Variants in SIRT4 observed in about 807,000 individuals in gnomAD.
The protein encoded by SIRT4 is sirtuin 4.
In SIRT4, 23 loss-of-function variants were observed where a neutral mutation model predicts 26.1. That is an observed-to-expected ratio of 0.88 (90% CI 0.63 to 1.25). The LOEUF (loss-of-function observed/expected upper bound fraction) is 1.25, where lower values mean the gene tolerates loss of function less well. Ranked by LOEUF, SIRT4 falls within the 50% of genes most tolerant of loss-of-function variation. SIRT4 has a pLI of 0.00. For synonymous variants in SIRT4, 155 were observed against 158.4 expected (o/e 0.98, Z 0.16); for missense variants, 361 against 405.4 (o/e 0.89, Z 0.94).
At chr12:120,293,314 A>G in the SIRT4 span, 1 of 152,218 alleles carries the variant, frequency 6.6e-6, no homozygotes, top group Non-Finnish European at 1.5e-5. Flanking sequence ...GGGCCTATGG[A>G]AAAATCTTCA....
chr12:120,310,657 G>C (rs1486461921), intron 2 of SIRT4, among the ~76,000 whole-genome samples: 1 of 151,962 alleles, frequency 6.6e-6, no homozygotes, highest in East Asian at 1.9e-4. Context: ...GATTGCTTGA[G>C]CCTAGGAGTT....
chr12:120,293,194 T>TA, the SIRT4 span: 3 of 152,196 alleles, frequency 2.0e-5, no homozygotes, highest in Non-Finnish European at 2.9e-5. Flanking sequence ...TAATCGCGCC[T>TA]CGGATAGACC....
upstream of SIRT4, among the ~76,000 whole-genome samples, chr12:120,300,679 C>T (rs943040622): frequency 6.6e-5 from 10 of 152,120 alleles, no homozygotes; most frequent in African/African-American, 2.2e-4. Context: ...AACTTTTGGG[C>T]TCAAGTGATC....
chr12:120,299,344 G>A (rs988268266), upstream of SIRT4, among the ~76,000 whole-genome samples: 7 of 151,070 alleles, frequency 4.6e-5, no homozygotes, highest in African/African-American at 1.5e-4. Context: ...CTGAGGTCAC[G>A]AGTTCAAAAC....
chr12:120,292,281 T>A, the SIRT4 span, among the ~76,000 whole-genome samples: 1 of 152,136 alleles, frequency 6.6e-6, no homozygotes, highest in South Asian at 2.1e-4. Context: ...TTGGGAATAA[T>A]TTTAGGACGT....
In SIRT4 at chr12:120,312,908, C is replaced by T; in HGVS notation, c.817C>T (p.Leu273Phe). 1.2e-6 allele frequency: 2 copies of T among 1,614,152 alleles called. No homozygotes were observed. The highest frequency in any genetic ancestry group is 1.7e-6 in the Non-Finnish European group (2 of 1,180,020). Residue 273 changes from leucine (L) to phenylalanine (F), a missense_variant, in exon 4 of 4, where the codon CTC becomes TTC. Leu to Phe is a conservative substitution (Grantham distance 22). Transcript: ENST00000202967. ...GGTATACTCTGGTTACAGGTTTATC[C>T]TCACTGCCTGGGAGAAGAAGCTCCC... is the stretch of plus-strand genomic sequence containing the variant. ...LQVYSGYRFI[L>F]TAWEKKLPIA...
chr12:120,305,736 G>C (rs972416928), intron 2 of SIRT4, among the ~76,000 whole-genome samples: 3 of 152,200 alleles, frequency 2.0e-5, no homozygotes, highest in South Asian at 4.1e-4. Flanking sequence ...GTGTAGGCTG[G>C]GCGCGGCGGC....
intron 1 of SIRT4, among the ~76,000 whole-genome samples, chr12:120,302,810 C>A (rs1298435267): frequency 6.6e-6 from 1 of 151,250 alleles, no homozygotes; most frequent in Non-Finnish European, 1.5e-5. Context: ...ACCTCCGCCT[C>A]CCGGGTTCAA....
the SIRT4 span, among the ~76,000 whole-genome samples, chr12:120,292,379 G>A: frequency 1.3e-5 from 2 of 152,140 alleles, no homozygotes; most frequent in Non-Finnish European, 2.9e-5. Flanking sequence ...GAGGCGGGTG[G>A]ATCACGAGGT....
intron 1 of SIRT4, among the ~76,000 whole-genome samples, chr12:120,303,080 C>T (rs1872605459): frequency 6.6e-6 from 1 of 151,828 alleles, no homozygotes; most frequent in African/African-American, 2.4e-5. Flanking sequence ...CTGATGTGTC[C>T]AAGTAGCAGA....
the SIRT4 span, among the ~76,000 whole-genome samples, chr12:120,293,458 T>C: frequency 6.6e-6 from 1 of 152,176 alleles, no homozygotes; most frequent in Non-Finnish European, 1.5e-5. Flanking sequence ...GGGAGGAACA[T>C]GCTAATAGAC....
At chr12:120,292,846 C>G in the SIRT4 span, among the ~76,000 whole-genome samples, 1 of 152,094 alleles carries the variant, frequency 6.6e-6, no homozygotes. Context: ...GGACAGCCAA[C>G]TGGCAAGAAA....
intron 2 of SIRT4, among the ~76,000 whole-genome samples, 186 bp from the exon 3 acceptor site, chr12:120,312,270 A>G (rs1873008678): frequency 1.3e-5 from 2 of 152,186 alleles, no homozygotes; most frequent in Non-Finnish European, 2.9e-5. Flanking sequence ...CCTGGGCAAC[A>G]GCCAGACCCT....
intron 2 of SIRT4, 47 bp downstream of exon 2, chr12:120,304,105 G>A: frequency 6.3e-7 from 1 of 1,580,700 alleles, no homozygotes; most frequent in Non-Finnish European, 8.6e-7. Flanking sequence ...GTGTTGTTTT[G>A]GGAGAGTAGG....
At chr12:120,311,620 G>A (rs955791518) in intron 2 of SIRT4, among the ~76,000 whole-genome samples, 7 of 144,548 alleles carry the variant, frequency 4.8e-5, no homozygotes, top group East Asian at 2.2e-4. Flanking sequence ...CTGTAATCCC[G>A]GCTACTCAGG....
chr12:120,309,066 C>A (rs1430698704), intron 2 of SIRT4, among the ~76,000 whole-genome samples: 1 of 152,020 alleles, frequency 6.6e-6, no homozygotes, highest in Non-Finnish European at 1.5e-5. Flanking sequence ...GTAATCCCAG[C>A]TACTCGGGAG....
At chr12:120,304,725 A>C (rs1872672230) in intron 2 of SIRT4, among the ~76,000 whole-genome samples, 1 of 150,524 alleles carries the variant, frequency 6.6e-6, no homozygotes, top group Admixed American at 6.7e-5. Flanking sequence ...TGAGGCAGGA[A>C]GATTGCTTGA....
At chr12:120,310,167 C>T (rs908812174) in intron 2 of SIRT4, among the ~76,000 whole-genome samples, 4 of 151,970 alleles carry the variant, frequency 2.6e-5, no homozygotes, top group Non-Finnish European at 4.4e-5. Flanking sequence ...TGGTGGCTCA[C>T]GTCTGTAGTC....
At chr12:120,304,817 A>ATG (rs1566463366) in intron 2 of SIRT4, among the ~76,000 whole-genome samples, 2 of 6,740 alleles carry the variant, frequency 3.0e-4, no homozygotes, top group African/African-American at 7.6e-4. Flanking sequence ...ATATATATAT[A>ATG]TATATATATA....
Sources: gnomAD v4.1 joint callset for allele counts (sites outside exome capture counted in the v4.1 genomes callset) on GRCh38, gnomAD v4.1.1 for gene constraint, MANE v1.5 for transcripts, NCBI Gene and HGNC (gene_info 2026-07-23, HGNC 2026-07-21) for gene names.